CNTN1: variants seen among roughly 807,000 people sequenced by gnomAD.
The protein encoded by CNTN1 is contactin-1.
In CNTN1, 38 loss-of-function variants were observed where a neutral mutation model predicts 126.4. The ratio of observed to expected loss-of-function variants is 0.30; its 90% CI spans 0.23 to 0.39. CNTN1 has a LOEUF of 0.39. Ranked by LOEUF, CNTN1 falls within the 10% of genes least tolerant of loss-of-function variation. The pLI is 1.00. For synonymous variants in CNTN1, 413 were observed against 422.6 expected (o/e 0.98, Z 0.28); for missense variants, 1,009 against 1,248.4 (o/e 0.81, Z 2.89).
chr12:40,933,950 A>G (rs1163713166), intron 9 of CNTN1, 72 bp downstream of exon 9: 1 of 1,141,514 alleles, frequency 8.8e-7, no homozygotes, highest in East Asian at 2.5e-5. Context: ...TACATGAAAA[A>G]CTACTATATA....
At chr12:40,791,489 G>A (rs1596527) in intron 1 of CNTN1, among the ~76,000 whole-genome samples, 29,817 of 152,050 alleles carry the variant, frequency 0.2, 3,256 homozygotes, top group East Asian at 0.43. Flanking sequence ...TTCTTTTGAT[G>A]AAGGGATGTT....
intron 4 of CNTN1, among the ~76,000 whole-genome samples, chr12:40,919,806 AATATG>A (rs1945373414): frequency 6.6e-6 from 1 of 152,170 alleles, no homozygotes; most frequent in South Asian, 2.1e-4. Context: ...CATACATGGA[AATATG>A]ATATAAGTAG....
chr12:40,964,497 G>C (rs1408236359), intron 15 of CNTN1, among the ~76,000 whole-genome samples: 1 of 150,178 alleles, frequency 6.7e-6, no homozygotes, highest in Non-Finnish European at 1.5e-5. Flanking sequence ...ACGTGGACTT[G>C]TATTTAGGTG....
chr12:40,906,160 A>T (rs1252873592), intron 1 of CNTN1, among the ~76,000 whole-genome samples: 1 of 151,928 alleles, frequency 6.6e-6, no homozygotes, highest in Non-Finnish European at 1.5e-5. Flanking sequence ...AGTCCCAGCT[A>T]CTCGGGAGGC....
intron 6 of CNTN1, among the ~76,000 whole-genome samples, chr12:40,928,826 C>T (rs1017581070): frequency 5.3e-5 from 8 of 152,068 alleles, no homozygotes; most frequent in Non-Finnish European, 1.0e-4. Context: ...GCTGAGTTCC[C>T]GAAAGCAAAA....
intron 1 of CNTN1, among the ~76,000 whole-genome samples, chr12:40,751,035 T>C (rs1394963781): frequency 2.0e-5 from 3 of 151,970 alleles, no homozygotes; most frequent in Non-Finnish European, 2.9e-5. Context: ...AAAACAAAGA[T>C]GGGTAAAGAA....
chr12:40,792,610 A>T (rs1316404671), intron 1 of CNTN1, among the ~76,000 whole-genome samples: 1 of 152,132 alleles, frequency 6.6e-6, no homozygotes, highest in African/African-American at 2.4e-5. Context: ...GTTAGTGGAA[A>T]AAATAAATTC....
chr12:40,943,115 G>A (rs1946313517), intron 12 of CNTN1, among the ~76,000 whole-genome samples: 1 of 152,194 alleles, frequency 6.6e-6, no homozygotes, highest in East Asian at 1.9e-4. Context: ...CTTAGTTTCT[G>A]TTCAAAGAAG....
At chr12:40,864,480 T>G (rs1284552408) in intron 1 of CNTN1, among the ~76,000 whole-genome samples, 1 of 152,154 alleles carries the variant, frequency 6.6e-6, no homozygotes. Flanking sequence ...AGTGTTGGCT[T>G]CATTCTGCCC....
At chr12:40,884,110 G>A (rs567483988) in intron 1 of CNTN1, among the ~76,000 whole-genome samples, 1 of 151,584 alleles carries the variant, frequency 6.6e-6, no homozygotes, top group East Asian at 1.9e-4. Context: ...TTATAGGTTT[G>A]TTCTGACACA....
At chr12:41,046,847 CTTTTTTTT>C (rs56655599) in intron 23 of CNTN1, among the ~76,000 whole-genome samples, 2 of 118,990 alleles carry the variant, frequency 1.7e-5, no homozygotes, top group African/African-American at 3.3e-5. Context: ...TTGCTTATTT[CTTTTTTTT>C]TTTTTTTTTT....
intron 1 of CNTN1, among the ~76,000 whole-genome samples, chr12:40,817,333 C>T (rs994402444): frequency 2.6e-5 from 4 of 152,100 alleles, no homozygotes; most frequent in African/African-American, 9.7e-5. Context: ...TAGTGCTCCT[C>T]TATTGGGTGC....
At position 40,781,370 on chromosome 12, in the gene CNTN1, A is replaced by T. The variant is rs561282325; in HGVS notation, c.-77+88778A>T. Among the ~76,000 whole-genome samples the T allele has an allele frequency of 7.3e-4, 111 of 152,102 alleles. No homozygotes were observed. The South Asian group carries it at 0.022, about 30-fold the overall frequency. Reference sequence around the variant, plus strand: ...GTCTCTTTGGACATCTGTCTTGACCATTCCAATAGAAAATTTAAATCTTGG... The same window carrying T: ...GTCTCTTTGGACATCTGTCTTGACCTTTCCAATAGAAAATTTAAATCTTGG... On this transcript the variant is annotated intron_variant, in intron 1 of 23. Coordinates refer to ENST00000551295, the MANE Select transcript of CNTN1 (RefSeq NM_001843.4).
chr12:40,879,252 C>T (rs2136692341), intron 1 of CNTN1, among the ~76,000 whole-genome samples: 1 of 152,280 alleles, frequency 6.6e-6, no homozygotes, highest in East Asian at 1.9e-4. Context: ...TGGTTGGCAG[C>T]TCTTTTCGAA....
At position 40,754,842 on chromosome 12, in the gene CNTN1, C is replaced by T. The variant is rs1938537396; in HGVS notation, c.-77+62250C>T. 3.9e-5 allele frequency among the ~76,000 whole-genome samples: 6 copies of T among 152,066 alleles called. No individual in the cohort carries two copies. In the South Asian group the frequency reaches 1.3e-3, roughly 32 times the overall value. On this transcript the variant is annotated intron_variant, in intron 1 of 23. Coordinates refer to ENST00000551295, the MANE Select transcript of CNTN1 (RefSeq NM_001843.4). The stretch of plus-strand genomic sequence containing the variant: ...AAGAACTCTATGCCTTCTATTAGTA[C>T]CATTTTCAATATCGTTGTTGCTTTA...
rs1236049576 is a variant in CNTN1 at position 40,864,019 on chromosome 12, C to T, written c.-76-44338C>T. 2.4e-3 allele frequency among the ~76,000 whole-genome samples: 223 copies of T among 92,588 alleles called. 1 individual carries two copies. The highest frequency in any genetic ancestry group is 2.7e-3 in the Non-Finnish European group (133 of 49,150). 60.7% of individuals were successfully genotyped at this position (92,588 alleles called of 152,430 possible). On this transcript the variant is annotated intron_variant, in intron 1 of 23. Transcript: ENST00000551295. Reference sequence around the variant, plus strand: ...CTTCCCTTCCCTTCTCTCTGCTTTCCTTTTTTTTTTTTTTTTTTTTGACAG... The same window carrying T: ...CTTCCCTTCCCTTCTCTCTGCTTTCTTTTTTTTTTTTTTTTTTTTTGACAG...
chr12:40,780,942 G>T (rs1592079861), intron 1 of CNTN1, among the ~76,000 whole-genome samples: 1 of 151,256 alleles, frequency 6.6e-6, no homozygotes, highest in Non-Finnish European at 1.5e-5. Context: ...AATTTCTAAG[G>T]GTGATATGAC....
intron 17 of CNTN1, among the ~76,000 whole-genome samples, chr12:40,998,567 C>T (rs1452610763): frequency 6.6e-6 from 1 of 152,088 alleles, no homozygotes; most frequent in African/African-American, 2.4e-5. Context: ...GCAATCCACT[C>T]CTCTATCAGA....
At chr12:40,902,152 C>G (rs939832665) in intron 1 of CNTN1, among the ~76,000 whole-genome samples, 3 of 152,150 alleles carry the variant, frequency 2.0e-5, no homozygotes, top group African/African-American at 7.2e-5. Flanking sequence ...TCGTTTCATG[C>G]ATTTCACTTT....
Sources: gnomAD v4.1 joint callset for allele counts (sites outside exome capture counted in the v4.1 genomes callset) on GRCh38, gnomAD v4.1.1 for gene constraint, MANE v1.5 for transcripts, NCBI Gene and HGNC (gene_info 2026-07-23, HGNC 2026-07-21) for gene names.